MCUB: variants seen among roughly 807,000 people sequenced by gnomAD.
MCUB encodes the protein mitochondrial calcium uniporter dominant negative subunit beta, also known as calcium uniporter regulatory subunit MCUb, mitochondrial.
Under a neutral mutation model 41.4 loss-of-function variants are expected in MCUB, and 46 were observed. That is an observed-to-expected ratio of 1.11 (90% CI 0.88 to 1.42). The LOEUF is 1.42. MCUB is among the 40% of genes most tolerant of loss of function. The pLI, the probability that MCUB is intolerant of heterozygous loss-of-function variation, is 0.00. For synonymous variants in MCUB, 148 were observed against 148.2 expected, an observed-to-expected ratio of 1.00 and a Z score of 0.01; for missense variants, 403 against 404.9, an observed-to-expected ratio of 1.00 and a Z score of 0.04.
intron 4 of MCUB, 150 bp from the exon 5 acceptor site, chr4:109,682,432 A>G (rs1400931978): frequency 1.6e-6 from 1 of 616,924 alleles, no homozygotes; most frequent in African/African-American, 1.9e-5. Flanking sequence ...TCAAATGTAT[A>G]TTACACCTTT....
Position 109,687,487 on chromosome 4 carries a change from C to T in MCUB, c.934-28C>T, listed in dbSNP as rs761626480. Reference sequence around the variant, plus strand: ...TTGGTATGTTTCTCTTCTTTCTGATCACATGCTTTTTCTTTTTCCCATGAC... The same window carrying T: ...TTGGTATGTTTCTCTTCTTTCTGATTACATGCTTTTTCTTTTTCCCATGAC... On this transcript the variant is annotated intron_variant, in intron 7 of 7. Transcript: ENST00000394650. 3 of 1,520,026 alleles carry T rather than the reference C, an allele frequency of 2.0e-6. No individual in the cohort carries two copies. In the South Asian group the frequency reaches 3.4e-5, roughly 17 times the overall value. 94.2% of individuals were successfully genotyped at this position (1,520,026 alleles called of 1,614,324 possible). A position where few individuals can be genotyped will look rare whatever the true frequency, so the allele number is the denominator to read the frequency against.
At chr4:109,642,697 T>G (rs1340909204) in intron 1 of MCUB, among the ~76,000 whole-genome samples, 1 of 152,122 alleles carries the variant, frequency 6.6e-6, no homozygotes, top group Non-Finnish European at 1.5e-5. Flanking sequence ...TAGGCTATAT[T>G]TTCTACTTGA....
chr4:109,649,384 C>G (rs1728910841), intron 1 of MCUB, among the ~76,000 whole-genome samples: 1 of 152,020 alleles, frequency 6.6e-6, no homozygotes, highest in Non-Finnish European at 1.5e-5. Context: ...AGTTTTACAT[C>G]CTGTGGTGTG....
intron 1 of MCUB, among the ~76,000 whole-genome samples, chr4:109,581,639 G>A (rs984648199): frequency 1.5e-3 from 227 of 152,130 alleles, no homozygotes; most frequent in Middle Eastern, 0.01. Context: ...CTTATCTGAC[G>A]AAGGGCTAAT....
At chr4:109,597,748 C>G (rs1221867721) in intron 1 of MCUB, among the ~76,000 whole-genome samples, 36 of 144,034 alleles carry the variant, frequency 2.5e-4, no homozygotes, top group Non-Finnish European at 4.9e-4. Context: ...CCCCCCACCT[C>G]CCTCCCGGAC....
rs34834019 is a variant in MCUB at position 109,576,518 on chromosome 4, C to CTT, written c.99+16098_99+16099dup. ...AATAGTAGAAAAAGATAACATTTGC[C>CTT]TTTTTTTTTTTTTTTTTGCCTGTCA... On this transcript the variant is annotated intron_variant, in intron 1 of 7. Coordinates refer to ENST00000394650, the MANE Select transcript of MCUB (RefSeq NM_017918.5). Among the ~76,000 whole-genome samples the CTT allele has an allele frequency of 9.7e-3, 1,280 of 131,700 alleles. 25 individuals are homozygous for CTT. Among genetic ancestry groups the CTT allele is most frequent in the African/African-American group, 0.023 (810 of 35,334 alleles). 86.4% of individuals were successfully genotyped at this position (131,700 alleles called of 152,430 possible).
At chr4:109,651,916 C>T (rs776069178) in intron 1 of MCUB, among the ~76,000 whole-genome samples, 27 of 152,202 alleles carry the variant, frequency 1.8e-4, no homozygotes, top group Admixed American at 1.2e-3. Flanking sequence ...GTCTTCATCC[C>T]ATTTGGGCTA....
At chr4:109,642,977 T>G (rs1007473935) in intron 1 of MCUB, among the ~76,000 whole-genome samples, 11 of 148,810 alleles carry the variant, frequency 7.4e-5, no homozygotes, top group South Asian at 2.1e-4. Context: ...GTATTTTTAA[T>G]AGAGACGGGG....
intron 1 of MCUB, among the ~76,000 whole-genome samples, chr4:109,622,142 A>G (rs1483884077): frequency 6.6e-6 from 1 of 152,202 alleles, no homozygotes; most frequent in African/African-American, 2.4e-5. Flanking sequence ...TTGGCCTCCC[A>G]AAGTGCTGGG....
intron 4 of MCUB, among the ~76,000 whole-genome samples, chr4:109,665,725 T>C (rs1441913902): frequency 2.6e-5 from 4 of 152,156 alleles, no homozygotes; most frequent in Admixed American, 6.5e-5. Flanking sequence ...TTTCAATCCA[T>C]GGTTGGTTGA....
At chr4:109,687,179 ACTCCAT>A (rs1729864685) in intron 7 of MCUB, among the ~76,000 whole-genome samples, 1 of 151,966 alleles carries the variant, frequency 6.6e-6, no homozygotes, top group South Asian at 2.1e-4. Context: ...ACATGGCAAA[ACTCCAT>A]CTCTACAAAA....
chr4:109,685,415 T>TA, intron 7 of MCUB, 48 bp downstream of exon 7: 1 of 789,392 alleles, frequency 1.3e-6, no homozygotes, highest in South Asian at 1.5e-5. Flanking sequence ...GAGCCAGAAC[T>TA]TAGTATCAGG....
chr4:109,624,144 T>C (rs1372948402), intron 1 of MCUB, among the ~76,000 whole-genome samples: 3 of 152,180 alleles, frequency 2.0e-5, no homozygotes, highest in Non-Finnish European at 4.4e-5. Flanking sequence ...CGAGCCACTG[T>C]ACCTGGCCCC....
intron 4 of MCUB, among the ~76,000 whole-genome samples, chr4:109,678,812 T>TTCC (rs1729644104): frequency 3.1e-5 from 4 of 127,436 alleles, no homozygotes; most frequent in South Asian, 2.8e-4. Flanking sequence ...CGCTCCTCAA[T>TTCC]TCCCAGACGG....
intron 1 of MCUB, among the ~76,000 whole-genome samples, chr4:109,651,924 C>G (rs370127127): frequency 6.6e-6 from 1 of 152,322 alleles, no homozygotes; most frequent in East Asian, 1.9e-4. Context: ...CCCATTTGGG[C>G]TATGACACCC....
chr4:109,684,810 C>G, intron 6 of MCUB, 164 bp downstream of exon 6: 3 of 541,226 alleles, frequency 5.5e-6, no homozygotes, highest in Non-Finnish European at 9.7e-6. Context: ...TGAAGACTCA[C>G]AACACAGAGA....
chr4:109,581,289 C>G (rs1229781508), intron 1 of MCUB, among the ~76,000 whole-genome samples: 3 of 152,126 alleles, frequency 2.0e-5, no homozygotes, highest in Non-Finnish European at 4.4e-5. Flanking sequence ...GGAAAGGATT[C>G]CCTATTTAAT....
chr4:109,587,632 C>A (rs944565878), intron 1 of MCUB, among the ~76,000 whole-genome samples: 1 of 152,114 alleles, frequency 6.6e-6, no homozygotes, highest in South Asian at 2.1e-4. Context: ...ATTACTTTTA[C>A]AGGTTTGAAA....
At chr4:109,651,905 C>T (rs1295875850) in intron 1 of MCUB, among the ~76,000 whole-genome samples, 3 of 152,150 alleles carry the variant, frequency 2.0e-5, no homozygotes, top group Non-Finnish European at 2.9e-5. Context: ...ATGTGGAGGC[C>T]GTCTTCATCC....
Sources: gnomAD v4.1 joint callset for allele counts (sites outside exome capture counted in the v4.1 genomes callset) on GRCh38, gnomAD v4.1.1 for gene constraint, MANE v1.5 for transcripts, NCBI Gene and HGNC (gene_info 2026-07-23, HGNC 2026-07-21) for gene names.